POU6F1: variants seen among roughly 807,000 people sequenced by gnomAD.
POU6F1 encodes the protein POU domain, class 6, transcription factor 1.
In POU6F1, 9 loss-of-function variants were observed where a neutral mutation model predicts 28.9. The ratio of observed to expected loss-of-function variants is 0.31; its 90% CI spans 0.19 to 0.54. The LOEUF (loss-of-function observed/expected upper bound fraction) is 0.54. POU6F1 is among the 20% of genes least tolerant of loss of function. POU6F1 has a pLI of 0.94. For missense variants in POU6F1, 338 were observed against 426.1 expected (o/e 0.79, Z 1.82); for synonymous variants, 173 against 171.1 (o/e 1.01, Z -0.09).
intron 2 of POU6F1, among the ~76,000 whole-genome samples, chr12:51,206,339 T>C (rs1238415498): frequency 2.0e-5 from 3 of 150,676 alleles, no homozygotes; most frequent in African/African-American, 2.4e-5. Flanking sequence ...AGAAGAATGG[T>C]GTGAACCCGG....
chr12:51,190,717 C>T lies in POU6F1; in HGVS notation c.1491-125G>A. 7.1e-7 allele frequency: 1 copy of T among 1,404,076 alleles called. No individual in the cohort carries two copies. Among genetic ancestry groups the T allele is most frequent in the Non-Finnish European group, 9.5e-7 (1 of 1,056,112 alleles). 87.0% of individuals were successfully genotyped at this position (1,404,076 alleles called of 1,614,324 possible). A position where few individuals can be genotyped will look rare whatever the true frequency, so the allele number is the denominator to read the frequency against. On this transcript the variant is annotated intron_variant, in intron 10 of 10. Coordinates refer to ENST00000333640, the MANE Select transcript of POU6F1 (RefSeq NM_001330422.2). This position sits in a 1 kb window ranked among gnomAD's most constrained non-coding sequence, Gnocchi z 4.5. The stretch of plus-strand genomic sequence containing the variant: ...CTCTAGGGGCTGGTGAGACTGTACC[C>T]AGTGCTCCCCTCACCACCTCCACCA...
intron 7 of POU6F1, 85 bp from the exon 8 acceptor site, chr12:51,196,258 A>G: frequency 8.6e-7 from 1 of 1,159,038 alleles, no homozygotes. Flanking sequence ...CACCAGGGGA[A>G]CAGACTAATG....
At chr12:51,191,403 C>A (rs991406945) in intron 10 of POU6F1, among the ~76,000 whole-genome samples, 193 bp downstream of exon 10, 1 of 152,212 alleles carries the variant, frequency 6.6e-6, no homozygotes, top group South Asian at 2.1e-4. Flanking sequence ...CTTCAGAGGA[C>A]CTCAGAAGGA....
rs1031848633 is a variant in POU6F1, at chr12:51,217,118, C to T, written c.-48+524G>A. ...CCTGGGTCCCTACCCCCGGGTCCCA[C>T]CGGTCGTCCCGGAGTTTGTTCATTC... On this transcript the variant is annotated intron_variant, in intron 1 of 10. Coordinates refer to ENST00000333640, the MANE Select transcript of POU6F1 (RefSeq NM_001330422.2). The surrounding 1 kb of genome is among the most constrained non-coding windows in gnomAD (Gnocchi z 5.3). Among the ~76,000 whole-genome samples the T allele has an allele frequency of 6.6e-6, 1 of 152,214 alleles. No homozygotes were observed. The highest frequency in any genetic ancestry group is 1.5e-5 in the Non-Finnish European group (1 of 68,030).
chr12:51,212,510 G>A (rs1222010464), intron 1 of POU6F1, among the ~76,000 whole-genome samples: 8 of 151,390 alleles, frequency 5.3e-5, no homozygotes, highest in African/African-American at 1.5e-4. Flanking sequence ...GCCGGGCGTG[G>A]TGGTTCTTGC....
intron 9 of POU6F1, 91 bp from the exon 10 acceptor site, chr12:51,191,855 A>C (rs117623337): frequency 1.1e-4 from 157 of 1,482,462 alleles, no homozygotes; most frequent in Non-Finnish European, 1.3e-4. Flanking sequence ...CGCAGTAGTG[A>C]GAGGTGAGGA....
At chr12:51,202,285 C>T (rs1049458126) in intron 3 of POU6F1, 1 of 152,136 alleles carries the variant, frequency 6.6e-6, no homozygotes, top group Non-Finnish European at 1.5e-5. Flanking sequence ...ATGACTTCCT[C>T]CTATGTTAAT....
At chr12:51,191,541 G>C in intron 10 of POU6F1, 55 bp downstream of exon 10, 1 of 1,574,568 alleles carries the variant, frequency 6.4e-7, no homozygotes, top group Middle Eastern at 2.3e-4. Context: ...ATGAGTGCCC[G>C]GTGGCACCAG....
At chr12:51,192,538 TG>T in intron 8 of POU6F1, 67 bp from the exon 9 acceptor site, 1 of 1,573,128 alleles carries the variant, frequency 6.4e-7, no homozygotes, top group African/African-American at 1.4e-5. Context: ...AATCCCTGGG[TG>T]GACCAGAGGC....
At chr12:51,198,836 G>A (rs923393536) in intron 4 of POU6F1, 61 bp from the exon 5 acceptor site, 8 of 398,166 alleles carry the variant, frequency 2.0e-5, no homozygotes, top group East Asian at 7.1e-5. Context: ...CATTGACAGC[G>A]CAAACACTGG....
chr12:51,187,789 G>A lies in POU6F1; in HGVS notation c.*2458C>T, dbSNP rs996002138. 2.0e-5 allele frequency: 3 copies of A among 152,202 alleles called. No homozygotes were observed. Among genetic ancestry groups the A allele is most frequent in the Non-Finnish European group, 4.4e-5 (3 of 68,042 alleles). The allele number at this position is 152,202 out of a possible 1,614,324, so 9.4% of individuals were successfully genotyped here. A position where few individuals can be genotyped will look rare whatever the true frequency, so the allele number is the denominator to read the frequency against. On this transcript the variant is annotated 3_prime_UTR_variant, in exon 11 of 11. Coordinates refer to ENST00000333640, the MANE Select transcript of POU6F1 (RefSeq NM_001330422.2). ...TGTTTTCCCATCATGACACAGGACAGATGGTGTTCCCCTGCACGTCCACCA... is the reference window on the plus strand; with the variant it reads ...TGTTTTCCCATCATGACACAGGACAAATGGTGTTCCCCTGCACGTCCACCA...
intron 6 of POU6F1, among the ~76,000 whole-genome samples, chr12:51,197,323 T>C: frequency 6.6e-6 from 1 of 151,770 alleles, no homozygotes; most frequent in Non-Finnish European, 1.5e-5. Flanking sequence ...GTAACTCGGG[T>C]TAATCTTTCA....
At chr12:51,206,206 G>A (rs569853589) in intron 2 of POU6F1, among the ~76,000 whole-genome samples, 4 of 150,722 alleles carry the variant, frequency 2.7e-5, no homozygotes, top group South Asian at 4.2e-4. Flanking sequence ...GGCAGATCAC[G>A]AGGTCAGGAG....
At position 51,217,979 on chromosome 12, in the gene POU6F1, C is replaced by A. The variant is rs1052086741; in HGVS notation, c.-385G>T. Among the ~76,000 whole-genome samples the A allele has an allele frequency of 6.6e-6, 1 of 151,630 alleles. No individual in the cohort carries two copies. Among genetic ancestry groups the A allele is most frequent in the Admixed American group, 6.6e-5 (1 of 15,262 alleles). ...TTTTCTTCGTTCCCCCTTCCACGAC[C>A]CCCCCCTTTTCCCTCCCCCCCTTTT... On this transcript the variant is annotated 5_prime_UTR_variant, in exon 1 of 11. Transcript: ENST00000333640. This position sits in a 1 kb window ranked among gnomAD's most constrained non-coding sequence, Gnocchi z 5.3.
At chr12:51,210,400 A>G (rs990752760) in intron 1 of POU6F1, among the ~76,000 whole-genome samples, 1 of 152,220 alleles carries the variant, frequency 6.6e-6, no homozygotes, top group Non-Finnish European at 1.5e-5. Flanking sequence ...CTTGGGGAGA[A>G]GAATTTTCCA....
chr12:51,210,150 C>T (rs967825517), intron 1 of POU6F1, among the ~76,000 whole-genome samples: 2 of 152,070 alleles, frequency 1.3e-5, no homozygotes, highest in Admixed American at 6.6e-5. Flanking sequence ...TATGAGGTCT[C>T]ACTATGTTGC....
intron 8 of POU6F1, 114 bp from the exon 9 acceptor site, chr12:51,192,585 G>C: frequency 7.4e-7 from 1 of 1,347,854 alleles, no homozygotes. Context: ...CACGCATGCA[G>C]GACATTCCCG....
At position 51,194,658 on chromosome 12, in the gene POU6F1, A is replaced by AAG. The variant is rs745776880; in HGVS notation, c.1179+1311_1179+1312insCT. On this transcript the variant is annotated intron_variant, in intron 8 of 10. Coordinates refer to ENST00000333640, the MANE Select transcript of POU6F1 (RefSeq NM_001330422.2). ...CTGGTCTCAAAAAAAAAAAAAAAAA[A>AAG]GCTCATCTGGTCAGCCATTTCCTTG... 4.4e-3 allele frequency among the ~76,000 whole-genome samples: 643 copies of AAG among 146,368 alleles called. 14 individuals are homozygous for AAG. The highest frequency in any genetic ancestry group is 0.016 in the African/African-American group (599 of 38,464).
chr12:51,203,187 G>T (rs990666429), intron 3 of POU6F1, among the ~76,000 whole-genome samples: 1 of 152,172 alleles, frequency 6.6e-6, no homozygotes, highest in East Asian at 1.9e-4. Context: ...TTCTGAGAGC[G>T]AATTTGGATA....
Sources: allele counts gnomAD v4.1 joint callset (sites outside exome capture counted in the v4.1 genomes callset), GRCh38; gene constraint gnomAD v4.1.1; non-coding constraint Gnocchi (gnomAD v3.1); transcripts MANE v1.5; gene names NCBI Gene and HGNC (gene_info 2026-07-23, HGNC 2026-07-21).